The following RIPOR3 variants were observed in gnomAD, a reference collection of about 807,000 sequenced individuals.
RIPOR3 encodes RIPOR family member 3, also known as family with sequence similarity 65 member C.
In RIPOR3, 95 loss-of-function variants were observed where a neutral mutation model predicts 114.3. The observed-to-expected ratio is 0.83, with a 90% CI of 0.70 to 0.99. RIPOR3 has a LOEUF of 0.99. Among genes scored for constraint, RIPOR3 ranks in the 50% least tolerant of loss-of-function variants. The pLI, the probability that RIPOR3 is intolerant of heterozygous loss-of-function variation, is 0.00. For missense variants in RIPOR3, 1,252 were observed against 1,266.9 expected (o/e 0.99, Z 0.18); for synonymous variants, 575 against 543.8 (o/e 1.06, Z -0.80).
At chr20:50,625,068 T>C (rs1173917420) in intron 2 of RIPOR3, among the ~76,000 whole-genome samples, 1 of 142,454 alleles carries the variant, frequency 7.0e-6, no homozygotes, top group African/African-American at 2.6e-5. Context: ...CTCAGTGCTT[T>C]TGTTTTTTTT....
At chr20:50,648,875 G>A (rs983068263) in intron 1 of RIPOR3, among the ~76,000 whole-genome samples, 6 of 152,128 alleles carry the variant, frequency 3.9e-5, no homozygotes, top group African/African-American at 1.2e-4. Context: ...ATGAAGCTTC[G>A]CTTACCTGCC....
chr20:50,635,084 A>C (rs1384958300), intron 1 of RIPOR3, among the ~76,000 whole-genome samples: 1 of 152,196 alleles, frequency 6.6e-6, no homozygotes, highest in Non-Finnish European at 1.5e-5. Context: ...TTGGTTTTTC[A>C]GGCCATACAG....
intron 1 of RIPOR3, among the ~76,000 whole-genome samples, chr20:50,671,459 C>T (rs4589818): frequency 0.82 from 124,833 of 151,820 alleles, 51,991 homozygotes; most frequent in East Asian, 0.96. Flanking sequence ...CACACACACA[C>T]ATAACTTCTT....
In RIPOR3 at chr20:50,608,714, G is replaced by C. The variant is rs775382186; in HGVS notation, c.709C>G (p.Arg237Gly). 1 of 1,613,990 alleles carries C rather than the reference G, an allele frequency of 6.2e-7. No homozygotes were observed. The highest frequency in any genetic ancestry group is 8.5e-7 in the Non-Finnish European group (1 of 1,179,930). Residue 237 changes from arginine to glycine, a missense_variant, in exon 10 of 22, where the codon CGT becomes GGT. Transcript: ENST00000327979. ...YEVLMRLGRQRWKLKGRIESD... is the reference protein window; with the variant it reads ...YEVLMRLGRQGWKLKGRIESD... ...TCGATCCGACCCTTGAGCTTCCAAC[G>C]CTGGCGGCCCAGACGCATGAGCACC...
At chr20:50,633,012 C>A (rs965964401) in intron 1 of RIPOR3, among the ~76,000 whole-genome samples, 5 of 152,226 alleles carry the variant, frequency 3.3e-5, no homozygotes, top group Non-Finnish European at 7.3e-5. Context: ...ACCTGTAATC[C>A]TAGCACTTTG....
intron 1 of RIPOR3, among the ~76,000 whole-genome samples, chr20:50,638,237 GAGA>G (rs2085059286): frequency 6.6e-6 from 1 of 152,212 alleles, no homozygotes; most frequent in Admixed American, 6.5e-5. Context: ...TGTGATTTAA[GAGA>G]AGAACAAGCA....
chr20:50,648,464 C>A (rs569677754), intron 1 of RIPOR3, among the ~76,000 whole-genome samples: 4 of 151,158 alleles, frequency 2.6e-5, no homozygotes, highest in Non-Finnish European at 4.4e-5. Flanking sequence ...CGGTCCCCAA[C>A]CTTTTTGGCA....
At chr20:50,641,719 T>C (rs536360563) in intron 1 of RIPOR3, among the ~76,000 whole-genome samples, 1 of 152,356 alleles carries the variant, frequency 6.6e-6, no homozygotes, top group Admixed American at 6.5e-5. Context: ...GTTACACAGA[T>C]CACTTTAGCG....
chr20:50,607,931 T>C (rs370042637), intron 11 of RIPOR3, among the ~76,000 whole-genome samples: 1 of 152,174 alleles, frequency 6.6e-6, no homozygotes, highest in African/African-American at 2.4e-5. Context: ...CTCATGGGCA[T>C]GCAGTCCAGG....
chr20:50,609,980 A>ACCACCCCTGCCCCCCCTG (rs1568854449), intron 6 of RIPOR3, among the ~76,000 whole-genome samples: 1 of 52,736 alleles, frequency 1.9e-5, no homozygotes, highest in Non-Finnish European at 3.9e-5. Context: ...TGCCACCCCT[A>ACCACCCCTGCCCCCCCTG]CCACCCCTGC....
At chr20:50,643,715 T>C (rs949498659) in intron 1 of RIPOR3, among the ~76,000 whole-genome samples, 5 of 149,796 alleles carry the variant, frequency 3.3e-5, no homozygotes, top group Admixed American at 2.0e-4. Context: ...TCTTTTTTTT[T>C]TTTTTTTTGA....
chr20:50,604,808 G>A (rs372592611), intron 11 of RIPOR3, 34 bp from the exon 12 acceptor site: 28 of 1,598,176 alleles, frequency 1.8e-5, no homozygotes, highest in East Asian at 4.5e-5. Context: ...GGATGCCATC[G>A]GCACCCAGAG....
intron 1 of RIPOR3, among the ~76,000 whole-genome samples, chr20:50,682,560 T>C (rs897122409): frequency 7.2e-6 from 1 of 139,078 alleles, no homozygotes; most frequent in African/African-American, 2.5e-5. Flanking sequence ...TGAGCTGAGA[T>C]TGCACCACTG....
At chr20:50,679,471 C>T (rs1245754208) in intron 1 of RIPOR3, among the ~76,000 whole-genome samples, 1 of 150,352 alleles carries the variant, frequency 6.7e-6, no homozygotes, top group Non-Finnish European at 1.5e-5. Context: ...GGCAAGATCC[C>T]ATCTCCACTG....
chr20:50,617,055 T>C (rs1190625514), intron 3 of RIPOR3, among the ~76,000 whole-genome samples: 1 of 152,050 alleles, frequency 6.6e-6, no homozygotes, highest in Non-Finnish European at 1.5e-5. Flanking sequence ...AGCAGGAGAA[T>C]TGCTTGAACC....
intron 1 of RIPOR3, chr20:50,659,905 G>A (rs1370618433): frequency 6.6e-6 from 1 of 152,158 alleles, no homozygotes; most frequent in African/African-American, 2.4e-5. Flanking sequence ...GGCCACTGAT[G>A]ACTGAACAAG....
chr20:50,671,002 A>G (rs6012989), intron 1 of RIPOR3, among the ~76,000 whole-genome samples: 125,086 of 152,044 alleles, frequency 0.82, 52,137 homozygotes, highest in East Asian at 0.96. Context: ...ATCTCCGCTC[A>G]CTGCAACCTC....
rs376387874 is a variant in RIPOR3 at position 50,684,601 on chromosome 20, C to T, written c.3+6525G>A. 3.9e-5 allele frequency among the ~76,000 whole-genome samples: 6 copies of T among 152,094 alleles called. No individual in the cohort carries two copies. In the East Asian group the frequency reaches 5.8e-4, roughly 15 times the overall value. ...TTAACAGGACCCTGCTGGCTGCACA[C>T]GGAGAGTAGACCAGGAGGGAGGCAA... On this transcript the variant is annotated intron_variant, in intron 1 of 21. Transcript: ENST00000327979.
intron 2 of RIPOR3, among the ~76,000 whole-genome samples, chr20:50,624,054 C>T (rs2084527760): frequency 6.6e-6 from 1 of 152,170 alleles, no homozygotes; most frequent in Non-Finnish European, 1.5e-5. Context: ...CCAGGCTGGT[C>T]TTGAACTCCT....
Sources: allele counts gnomAD v4.1 joint callset (sites outside exome capture counted in the v4.1 genomes callset), GRCh38; gene constraint gnomAD v4.1.1; transcripts MANE v1.5; gene names NCBI Gene and HGNC (gene_info 2026-07-23, HGNC 2026-07-21).